Variants in PRKAG2 observed in about 807,000 individuals in gnomAD.
PRKAG2 encodes 5'-AMP-activated protein kinase subunit gamma-2.
PRKAG2 carries 26 observed loss-of-function variants against 69.6 expected under a neutral mutation model. That is an observed-to-expected ratio of 0.37 (90% CI 0.27 to 0.52). The LOEUF is 0.52. Ranked by LOEUF, PRKAG2 falls within the 20% of genes least tolerant of loss-of-function variation. The pLI is 0.90. For synonymous variants in PRKAG2, 293 were observed against 285.0 expected (o/e 1.03, Z -0.28); for missense variants, 557 against 740.0 (o/e 0.75, Z 2.87).
chr7:151,574,819 C>A (rs916986183), intron 8 of PRKAG2, 72 bp downstream of exon 8: 3 of 1,581,690 alleles, frequency 1.9e-6, no homozygotes, highest in Non-Finnish European at 1.7e-6. Context: ...TCTTAAAATA[C>A]ACACATATAC....
At chr7:151,819,760 C>T (rs1347287643) in intron 1 of PRKAG2, among the ~76,000 whole-genome samples, 1 of 150,604 alleles carries the variant, frequency 6.6e-6, no homozygotes, top group East Asian at 1.9e-4. Flanking sequence ...GGGTGAAAAC[C>T]GGTCCCCTGA....
chr7:151,601,339 G>A (rs1471366024), intron 5 of PRKAG2, among the ~76,000 whole-genome samples: 2 of 152,116 alleles, frequency 1.3e-5, no homozygotes, highest in Non-Finnish European at 2.9e-5. Flanking sequence ...AACAGTGACT[G>A]TGTATTTCTA....
chr7:151,833,754 C>T (rs1157916959), intron 1 of PRKAG2, among the ~76,000 whole-genome samples: 1 of 152,188 alleles, frequency 6.6e-6, no homozygotes, highest in Non-Finnish European at 1.5e-5. Context: ...TGGCACGAGG[C>T]AAGCCCAGAA....
intron 3 of PRKAG2, among the ~76,000 whole-genome samples, chr7:151,733,463 C>T (rs974354756): frequency 3.3e-5 from 5 of 152,294 alleles, no homozygotes; most frequent in East Asian, 1.9e-4. Flanking sequence ...AAACACAAGG[C>T]GGGAAGCCAC....
Position 151,660,619 on chromosome 7 carries a change from G to A in PRKAG2, c.684+14801C>T, listed in dbSNP as rs575614699. On this transcript the variant is annotated intron_variant, in intron 4 of 15. Transcript: ENST00000287878. ...ATTTTATGAAAATAAGACTTGAAAA[G>A]ATGACATTCCTCCAACAATGAAACC... Among the ~76,000 whole-genome samples the A allele has an allele frequency of 4.5e-3, 688 of 152,272 alleles. 3 individuals are homozygous for A. The highest frequency in any genetic ancestry group is 0.017 in the Middle Eastern group (5 of 294).
intron 3 of PRKAG2, among the ~76,000 whole-genome samples, chr7:151,680,423 G>A (rs1833698244): frequency 6.6e-6 from 1 of 152,180 alleles, no homozygotes; most frequent in Admixed American, 6.5e-5. Flanking sequence ...GGAGCGGTAA[G>A]TGAAGAAAGC....
chr7:151,873,801 C>T (rs1000279338), intron 1 of PRKAG2, among the ~76,000 whole-genome samples: 1 of 152,146 alleles, frequency 6.6e-6, no homozygotes, highest in South Asian at 2.1e-4. Context: ...CTCACACTAT[C>T]GCTGGCACCA....
intron 1 of PRKAG2, among the ~76,000 whole-genome samples, chr7:151,789,371 T>G (rs754554893): frequency 2.0e-5 from 3 of 152,220 alleles, no homozygotes; most frequent in Non-Finnish European, 4.4e-5. Context: ...ACTTAACCTT[T>G]CTTTAACCCA....
intron 3 of PRKAG2, among the ~76,000 whole-genome samples, chr7:151,713,932 A>G (rs1795727289): frequency 6.6e-6 from 1 of 152,186 alleles, no homozygotes; most frequent in African/African-American, 2.4e-5. Context: ...TACAAGTCTT[A>G]TGAAAAATGC....
rs536303761 is a variant in PRKAG2 at position 151,632,506 on chromosome 7, C to G, written c.685-368G>C. On this transcript the variant is annotated intron_variant, in intron 4 of 15. Transcript: ENST00000287878. This position sits in a 1 kb window ranked among gnomAD's most constrained non-coding sequence, Gnocchi z 4.2. The stretch of plus-strand genomic sequence containing the variant: ...CCCTCCGGCCGTGGCCCGCGTCCTC[C>G]CCGCCGTGCCGCCATTGGGAGAGGC... 1.1e-6 allele frequency: 1 copy of G among 920,382 alleles called. No individual in the cohort carries two copies. Among genetic ancestry groups the G allele is most frequent in the African/African-American group, 1.8e-5 (1 of 55,762 alleles). 57.0% of individuals were successfully genotyped at this position (920,382 alleles called of 1,614,324 possible).
intron 3 of PRKAG2, among the ~76,000 whole-genome samples, chr7:151,723,254 AT>A (rs1351148851): frequency 6.6e-6 from 1 of 152,088 alleles, no homozygotes; most frequent in African/African-American, 2.4e-5. Flanking sequence ...AATAGTATAC[AT>A]TTTTGGTAGT....
chr7:151,631,852 G>A (rs1312549056), intron 5 of PRKAG2: 6 of 498,128 alleles, frequency 1.2e-5, no homozygotes, highest in South Asian at 9.6e-5. Flanking sequence ...CTGGGAGCCT[G>A]GCTCGCGTCC....
At chr7:151,778,469 A>G (rs566993339) in intron 3 of PRKAG2, among the ~76,000 whole-genome samples, 43 of 152,074 alleles carry the variant, frequency 2.8e-4, no homozygotes, top group African/African-American at 1.0e-3. Flanking sequence ...AGCCTCAGGT[A>G]CTCCTTTATA....
At chr7:151,709,510 A>T (rs776336110) in intron 3 of PRKAG2, among the ~76,000 whole-genome samples, 1 of 152,114 alleles carries the variant, frequency 6.6e-6, no homozygotes, top group Non-Finnish European at 1.5e-5. Flanking sequence ...GTGACATGAG[A>T]TTGACACTGA....
chr7:151,562,409 T>C (rs1307199570), intron 14 of PRKAG2, among the ~76,000 whole-genome samples: 2 of 152,026 alleles, frequency 1.3e-5, no homozygotes, highest in African/African-American at 4.8e-5. Flanking sequence ...CCAGTTTTTG[T>C]ATTTTGTCTC....
chr7:151,578,553 C>T (rs114769141), intron 6 of PRKAG2, among the ~76,000 whole-genome samples: 61 of 152,300 alleles, frequency 4.0e-4, no homozygotes, highest in African/African-American at 1.3e-3. Context: ...ACTACTGGTG[C>T]GTTGAGGGAG....
chr7:151,716,172 C>G (rs1796158060), intron 3 of PRKAG2, among the ~76,000 whole-genome samples: 1 of 152,166 alleles, frequency 6.6e-6, no homozygotes, highest in Non-Finnish European at 1.5e-5. Flanking sequence ...CAACTATACA[C>G]AAATCAGGAA....
intron 1 of PRKAG2, among the ~76,000 whole-genome samples, chr7:151,821,698 G>A (rs1346239406): frequency 6.6e-6 from 1 of 152,140 alleles, no homozygotes; most frequent in Non-Finnish European, 1.5e-5. Flanking sequence ...AGCACACCAT[G>A]AAGGAGAAAA....
chr7:151,791,816 G>A (rs1315334342), intron 1 of PRKAG2, among the ~76,000 whole-genome samples: 4 of 152,198 alleles, frequency 2.6e-5, no homozygotes, highest in Non-Finnish European at 5.9e-5. Flanking sequence ...AAGTATTAAC[G>A]ACAGAGCCAA....
Sources: gnomAD v4.1 joint callset for allele counts (sites outside exome capture counted in the v4.1 genomes callset) on GRCh38, gnomAD v4.1.1 for gene constraint, Gnocchi (gnomAD v3.1) non-coding constraint, MANE v1.5 for transcripts, NCBI Gene and HGNC (gene_info 2026-07-23, HGNC 2026-07-21) for gene names.